Variants in TTBK2 observed in about 807,000 individuals in gnomAD.
The protein encoded by TTBK2 is tau tubulin kinase 2.
In TTBK2, 28 loss-of-function variants were observed where a neutral mutation model predicts 110.8. That is an observed-to-expected ratio of 0.25 (90% CI 0.19 to 0.35). The LOEUF is 0.35. Among genes scored for constraint, TTBK2 ranks in the 10% least tolerant of loss-of-function variants. The pLI is 1.00. For synonymous variants in TTBK2, 532 were observed against 527.3 expected, an observed-to-expected ratio of 1.01 and a Z score of -0.12; for missense variants, 1,369 against 1,500.3, an observed-to-expected ratio of 0.91 and a Z score of 1.45.
chr15:42,839,951 G>T (rs1355903932), intron 4 of TTBK2, among the ~76,000 whole-genome samples: 1 of 152,084 alleles, frequency 6.6e-6, no homozygotes, highest in Admixed American at 6.6e-5. Flanking sequence ...CTCCAGAATG[G>T]TAAGAAATAA....
At chr15:42,913,095 T>A (rs2682075) in intron 1 of TTBK2, among the ~76,000 whole-genome samples, 7 of 137,356 alleles carry the variant, frequency 5.1e-5, no homozygotes, top group African/African-American at 1.6e-4. Flanking sequence ...ACTGCAGTCC[T>A]CAGTCCGACC....
At chr15:42,862,885 T>C (rs907965832) in intron 3 of TTBK2, among the ~76,000 whole-genome samples, 6 of 151,972 alleles carry the variant, frequency 3.9e-5, no homozygotes, top group Non-Finnish European at 5.9e-5. Context: ...CAAAACTCTG[T>C]TGCAAAAATA....
intron 10 of TTBK2, among the ~76,000 whole-genome samples, chr15:42,793,204 T>G (rs1301007831): frequency 1.3e-5 from 2 of 152,178 alleles, no homozygotes; most frequent in African/African-American, 4.8e-5. Context: ...GGCATTCTGA[T>G]TCAGTAGGTC....
chr15:42,889,011 A>G (rs904891511), intron 1 of TTBK2, among the ~76,000 whole-genome samples: 5 of 152,144 alleles, frequency 3.3e-5, no homozygotes, highest in South Asian at 2.1e-4. Context: ...CCAGCCTCAC[A>G]GGCCCATTCT....
rs562171013 is a variant in TTBK2 at position 42,792,696 on chromosome 15, C to T, written c.980+1948G>A. On this transcript the variant is annotated intron_variant, in intron 10 of 14. Transcript: ENST00000267890. Reference sequence around the variant, plus strand: ...TTTTCTTGATCTGTCTTTATAAAGTCTTCTGGCAGGGGTAGGTGAGGCAAG... The same window carrying T: ...TTTTCTTGATCTGTCTTTATAAAGTTTTCTGGCAGGGGTAGGTGAGGCAAG... 2.6e-5 allele frequency among the ~76,000 whole-genome samples: 4 copies of T among 152,246 alleles called. No individual in the cohort carries two copies. In the East Asian group the frequency reaches 5.8e-4, roughly 22 times the overall value.
intron 1 of TTBK2, among the ~76,000 whole-genome samples, chr15:42,894,554 C>T (rs1031513989): frequency 6.6e-6 from 1 of 151,946 alleles, no homozygotes. Context: ...GAGTTTGAGA[C>T]CAGCCTAGGC....
chr15:42,816,653 C>T (rs886455026), intron 7 of TTBK2, among the ~76,000 whole-genome samples: 1 of 151,984 alleles, frequency 6.6e-6, no homozygotes, highest in African/African-American at 2.4e-5. Flanking sequence ...CATCTTTGTA[C>T]TTTGTAAAGA....
At chr15:42,872,276 G>C (rs1894644013) in intron 3 of TTBK2, among the ~76,000 whole-genome samples, 1 of 152,146 alleles carries the variant, frequency 6.6e-6, no homozygotes. Context: ...AGACAACTCA[G>C]AGGTATCTGT....
intron 11 of TTBK2, 114 bp from the exon 12 acceptor site, chr15:42,777,356 AT>A: frequency 8.7e-7 from 1 of 1,147,446 alleles, no homozygotes; most frequent in Non-Finnish European, 1.2e-6. Context: ...TTTTCAGATG[AT>A]TAGGATATTT....
At position 42,783,617 on chromosome 15, in the gene TTBK2, G is replaced by A. The variant is rs1890272631; in HGVS notation, c.999C>T (p.Pro333=). The change falls in exon 11 of 15, where the codon CCC becomes CCT. Residue 333 remains proline (P), a synonymous_variant. Transcript: ENST00000267890. The part of the protein sequence containing the change: ...PAAIGIANAT[P]IPGDLLRENT... ...TTTCTCGAAGCAAGTCTCCAGGGAT[G>A]GGAGTAGCATTGGCAATTCTACATA... The A allele has an allele frequency of 6.2e-7, 1 of 1,613,954 alleles. No homozygotes were observed. Among genetic ancestry groups the A allele is most frequent in the Non-Finnish European group, 8.5e-7 (1 of 1,179,970 alleles).
intron 3 of TTBK2, among the ~76,000 whole-genome samples, chr15:42,860,889 T>C (rs1196609641): frequency 6.6e-6 from 1 of 151,948 alleles, no homozygotes; most frequent in East Asian, 1.9e-4. Context: ...CCTCAGGTGA[T>C]CCACCCACCT....
At chr15:42,815,952 A>ATAT (rs1328435730) in intron 7 of TTBK2, among the ~76,000 whole-genome samples, 6 of 33,414 alleles carry the variant, frequency 1.8e-4, no homozygotes, top group East Asian at 9.5e-4. Flanking sequence ...ATATATTTAA[A>ATAT]AAAAAAATAT....
At chr15:42,794,555 G>A (rs1890847751) in intron 10 of TTBK2, 89 bp downstream of exon 10, 2 of 1,555,488 alleles carry the variant, frequency 1.3e-6, no homozygotes, top group Admixed American at 3.3e-5. Flanking sequence ...CTTAGCATTT[G>A]GTCATCTGAG....
intron 3 of TTBK2, among the ~76,000 whole-genome samples, chr15:42,865,331 G>A (rs1006310185): frequency 1.3e-5 from 2 of 151,876 alleles, no homozygotes; most frequent in East Asian, 1.9e-4. Flanking sequence ...ACAGTGGCAC[G>A]CATCTGTAGT....
intron 9 of TTBK2, among the ~76,000 whole-genome samples, chr15:42,804,558 T>C (rs1044313605): frequency 2.6e-5 from 4 of 152,174 alleles, no homozygotes; most frequent in Admixed American, 2.0e-4. Flanking sequence ...AAAGCATCAA[T>C]TTAAACAGGT....
At chr15:42,867,289 T>A (rs1894416071) in intron 3 of TTBK2, among the ~76,000 whole-genome samples, 1 of 145,032 alleles carries the variant, frequency 6.9e-6, no homozygotes, top group Admixed American at 6.8e-5. Flanking sequence ...AGATCTAAAA[T>A]CAATAACCAA....
intron 4 of TTBK2, among the ~76,000 whole-genome samples, chr15:42,836,825 C>T (rs1893003304): frequency 6.6e-6 from 1 of 152,176 alleles, no homozygotes; most frequent in Admixed American, 6.5e-5. Context: ...ATACTGGGTT[C>T]AGGCTTCCAC....
At chr15:42,891,861 C>T (rs1443904608) in intron 1 of TTBK2, among the ~76,000 whole-genome samples, 1 of 152,154 alleles carries the variant, frequency 6.6e-6, no homozygotes, top group Non-Finnish European at 1.5e-5. Flanking sequence ...GTGAAGGCAG[C>T]TTTGTGGGAC....
intron 2 of TTBK2, among the ~76,000 whole-genome samples, chr15:42,877,677 A>G (rs1331656056): frequency 6.6e-6 from 1 of 152,206 alleles, no homozygotes; most frequent in East Asian, 1.9e-4. Context: ...TAGTACTACT[A>G]CAGTATTTTA....
Sources: allele counts gnomAD v4.1 joint callset (sites outside exome capture counted in the v4.1 genomes callset), GRCh38; gene constraint gnomAD v4.1.1; transcripts MANE v1.5; gene names NCBI Gene and HGNC (gene_info 2026-07-23, HGNC 2026-07-21).